The following INO80D variants were observed in gnomAD, a reference collection of about 807,000 sequenced individuals.
INO80D encodes INO80 complex subunit D.
A neutral mutation model predicts 87.6 loss-of-function variants in INO80D; 21 were observed. That is an observed-to-expected ratio of 0.24 (90% CI 0.17 to 0.35). The LOEUF is 0.35. INO80D is among the 10% of genes least tolerant of loss of function. INO80D has a pLI of 1.00. For synonymous variants in INO80D, 440 were observed against 491.0 expected (o/e 0.90, Z 1.37); for missense variants, 982 against 1,280.7 (o/e 0.77, Z 3.56).
At chr2:206,074,965 G>A (rs2105905758) in intron 1 of INO80D, among the ~76,000 whole-genome samples, 1 of 149,750 alleles carries the variant, frequency 6.7e-6, no homozygotes, top group South Asian at 2.1e-4. Flanking sequence ...CTTAAACCCA[G>A]GAGGCAGAGG....
intron 5 of INO80D, among the ~76,000 whole-genome samples, chr2:206,029,633 A>G (rs1002951799): frequency 6.6e-6 from 1 of 152,174 alleles, no homozygotes; most frequent in Admixed American, 6.5e-5. Flanking sequence ...GCTACTCTAT[A>G]AACTTCTACT....
At chr2:206,064,853 A>G (rs1302419709) in intron 1 of INO80D, among the ~76,000 whole-genome samples, 1 of 150,872 alleles carries the variant, frequency 6.6e-6, no homozygotes, top group Non-Finnish European at 1.5e-5. Flanking sequence ...TTAGTTAATA[A>G]AAATCATATT....
At chr2:206,071,616 G>A (rs1439701621) in intron 1 of INO80D, among the ~76,000 whole-genome samples, 1 of 148,632 alleles carries the variant, frequency 6.7e-6, no homozygotes, top group Non-Finnish European at 1.5e-5. Context: ...TCTCAAGCTT[G>A]CTTCCATTAC....
chr2:206,020,509 G>C (rs1309807111), intron 6 of INO80D, among the ~76,000 whole-genome samples: 1 of 152,128 alleles, frequency 6.6e-6, no homozygotes, highest in Non-Finnish European at 1.5e-5. Flanking sequence ...CTGATACGCA[G>C]AAATGGCTGA....
At chr2:206,068,939 G>A (rs770671248) in intron 1 of INO80D, among the ~76,000 whole-genome samples, 2 of 152,100 alleles carry the variant, frequency 1.3e-5, no homozygotes, top group Non-Finnish European at 2.9e-5. Flanking sequence ...GGTCTCAAGT[G>A]ATCTCCCTGC....
intron 5 of INO80D, among the ~76,000 whole-genome samples, chr2:206,043,574 G>A (rs770803072): frequency 4.3e-4 from 65 of 152,002 alleles, no homozygotes; most frequent in Non-Finnish European, 7.9e-4. Context: ...TGCAAGCTCC[G>A]CCTCCCAGGT....
At chr2:206,035,810 C>G (rs1450930067) in intron 5 of INO80D, among the ~76,000 whole-genome samples, 1 of 152,098 alleles carries the variant, frequency 6.6e-6, no homozygotes, top group Non-Finnish European at 1.5e-5. Flanking sequence ...GTGGGAGAAA[C>G]TCTTCACAAT....
chr2:206,070,756 G>A (rs1210101698), intron 1 of INO80D, among the ~76,000 whole-genome samples: 1 of 152,040 alleles, frequency 6.6e-6, no homozygotes. Context: ...ATGTCAATTG[G>A]TGTTATACTT....
At chr2:206,008,798 G>GT (rs1688094419) in intron 9 of INO80D, among the ~76,000 whole-genome samples, 1 of 152,206 alleles carries the variant, frequency 6.6e-6, no homozygotes, top group Admixed American at 6.5e-5. Flanking sequence ...ACAATTTGGT[G>GT]TATCAAGTGT....
chr2:206,021,599 C>T lies in INO80D; in HGVS notation c.1299-1754G>A, dbSNP rs2105821162. Among the ~76,000 whole-genome samples the T allele has an allele frequency of 2.0e-5, 3 of 152,170 alleles. 1 individual carries two copies. The South Asian group carries it at 6.2e-4, about 32-fold the overall frequency. On this transcript the variant is annotated intron_variant, in intron 6 of 10. Transcript: ENST00000403263. Reference sequence around the variant, plus strand: ...GTCTAGATTTAAATAGAAAGGTCTCCATATTAAAGGGATACTTCTCTTTTT... The same window carrying T: ...GTCTAGATTTAAATAGAAAGGTCTCTATATTAAAGGGATACTTCTCTTTTT...
At position 206,016,003 on chromosome 2, in the gene INO80D, C is replaced by T. The variant is rs151121574; in HGVS notation, c.1542+1677G>A. Among the ~76,000 whole-genome samples the T allele has an allele frequency of 7.2e-3, 1,100 of 152,282 alleles. 16 individuals are homozygous for T. Among genetic ancestry groups the T allele is most frequent in the African/African-American group, 0.025 (1,039 of 41,550 alleles). On this transcript the variant is annotated intron_variant, in intron 8 of 10. Transcript: ENST00000403263. ...TGCAGAAGGAAAATGTGGGTGGGAG[C>T]CTCCACACAGAGTCCCTACTGGGAC... is the stretch of plus-strand genomic sequence containing the variant.
At chr2:206,030,005 G>A (rs1435544383) in intron 5 of INO80D, among the ~76,000 whole-genome samples, 27 of 151,988 alleles carry the variant, frequency 1.8e-4, no homozygotes, top group Non-Finnish European at 1.5e-5. Context: ...AATCTCCATG[G>A]TATAGGGCCC....
chr2:206,065,605 C>T (rs1032290130), intron 1 of INO80D, among the ~76,000 whole-genome samples: 3 of 152,038 alleles, frequency 2.0e-5, no homozygotes, highest in Non-Finnish European at 4.4e-5. Flanking sequence ...AGACAACCTA[C>T]GGAATGGGAG....
Position 206,085,309 on chromosome 2 carries a change from C to T in INO80D, c.-124+592G>A, listed in dbSNP as rs1048011093. ...CGCGGAGGAGGGGGATAAATAAATT[C>T]AACTCTTACCGGAATCTGGGGGCCG... On this transcript the variant is annotated intron_variant, in intron 1 of 10. Coordinates refer to ENST00000403263, the MANE Select transcript of INO80D (RefSeq NM_017759.5). The surrounding 1 kb of genome is among the most constrained non-coding windows in gnomAD (Gnocchi z 4.5). Among the ~76,000 whole-genome samples, 2 of 151,562 alleles carry T rather than the reference C, an allele frequency of 1.3e-5. No homozygotes were observed. Among genetic ancestry groups the T allele is most frequent in the African/African-American group, 2.4e-5 (1 of 41,300 alleles).
chr2:206,029,617 T>A (rs1466672068), intron 5 of INO80D, among the ~76,000 whole-genome samples: 1 of 152,220 alleles, frequency 6.6e-6, no homozygotes, highest in African/African-American at 2.4e-5. Flanking sequence ...GCATAGTCTA[T>A]AACAGGCTAC....
Position 206,013,328 on chromosome 2 carries a change from C to A in INO80D, c.1543-3534G>T, listed in dbSNP as rs369542424. 2.6e-5 allele frequency among the ~76,000 whole-genome samples: 4 copies of A among 151,718 alleles called. No homozygotes were observed. In the East Asian group the frequency reaches 7.8e-4, roughly 30 times the overall value. On this transcript the variant is annotated intron_variant, in intron 8 of 10. Coordinates refer to ENST00000403263, the MANE Select transcript of INO80D (RefSeq NM_017759.5). ...CAGCACTTTGGGAGGCCAAGGTGGG[C>A]GGATCATGAGGTCAGGAGATCGAGA... is the stretch of plus-strand genomic sequence containing the variant.
chr2:206,000,114 A>T lies in INO80D; in HGVS notation c.*4254T>A, dbSNP rs1687879304. 1 of 152,178 alleles carries T rather than the reference A, an allele frequency of 6.6e-6. No homozygotes were observed. Among genetic ancestry groups the T allele is most frequent in the African/African-American group, 2.4e-5 (1 of 41,442 alleles). The allele number at this position is 152,178 out of a possible 1,614,324, so 9.4% of individuals were successfully genotyped here. On this transcript the variant is annotated 3_prime_UTR_variant, in exon 11 of 11. Coordinates refer to ENST00000403263, the MANE Select transcript of INO80D (RefSeq NM_017759.5). ...AGGAATCCTCTAAATTGCCTCATTA[A>T]ACTGGAGAGTTCTGTTGACCATTTA...
chr2:206,024,863 C>A (rs943196100), intron 6 of INO80D, among the ~76,000 whole-genome samples: 2 of 152,070 alleles, frequency 1.3e-5, no homozygotes, highest in Admixed American at 1.3e-4. Context: ...TCAAGCAATT[C>A]TCCTGCCTCA....
intron 9 of INO80D, among the ~76,000 whole-genome samples, chr2:206,008,805 G>A (rs1383475076): frequency 2.0e-5 from 3 of 152,204 alleles, no homozygotes; most frequent in Non-Finnish European, 4.4e-5. Context: ...GGTGTATCAA[G>A]TGTGTCTTAA....
Sources: gnomAD v4.1 joint callset for allele counts (sites outside exome capture counted in the v4.1 genomes callset) on GRCh38, gnomAD v4.1.1 for gene constraint, Gnocchi (gnomAD v3.1) non-coding constraint, MANE v1.5 for transcripts, NCBI Gene and HGNC (gene_info 2026-07-23, HGNC 2026-07-21) for gene names.